CALN1: variants seen among roughly 807,000 people sequenced by gnomAD.
The protein encoded by CALN1 is calneuron 1.
Under a neutral mutation model 30.6 loss-of-function variants are expected in CALN1, and 17 were observed. The ratio of observed to expected loss-of-function variants is 0.56; its 90% confidence interval spans 0.38 to 0.83. The LOEUF is 0.83. Among genes scored for constraint, CALN1 ranks in the 40% least tolerant of loss-of-function variants. The probability of loss-of-function intolerance (pLI) is 0.00; values close to 1 mark genes in which losing one functional copy is unlikely to be tolerated. For missense variants in CALN1, 291 were observed against 354.9 expected (o/e 0.82, Z 1.45); for synonymous variants, 156 against 131.4 (o/e 1.19, Z -1.28).
intron 5 of CALN1, among the ~76,000 whole-genome samples, chr7:71,911,410 T>C (rs1471813315): frequency 6.6e-6 from 1 of 152,180 alleles, no homozygotes; most frequent in Non-Finnish European, 1.5e-5. Flanking sequence ...CGGTACTCAT[T>C]GGATGCCTAT....
chr7:71,865,003 C>A (rs2867519), intron 5 of CALN1, among the ~76,000 whole-genome samples: 62,634 of 150,392 alleles, frequency 0.42, 14,979 homozygotes, highest in East Asian at 0.67. Flanking sequence ...ACCCTGTCTC[C>A]AAAAAAGGAA....
chr7:72,033,799 G>T (rs147810436), intron 4 of CALN1, among the ~76,000 whole-genome samples: 1 of 152,288 alleles, frequency 6.6e-6, no homozygotes, highest in African/African-American at 2.4e-5. Flanking sequence ...GTATGAAAGC[G>T]CCAGAACTTT....
chr7:72,426,086 T>C (rs1181379740), intron 1 of CALN1, among the ~76,000 whole-genome samples: 3 of 152,228 alleles, frequency 2.0e-5, no homozygotes, highest in South Asian at 4.1e-4. Context: ...AGGAGGGATT[T>C]CTGCCATTGT....
At chr7:72,446,817 C>A (rs1203909378) in intron 1 of CALN1, among the ~76,000 whole-genome samples, 1 of 152,138 alleles carries the variant, frequency 6.6e-6, no homozygotes, top group Non-Finnish European at 1.5e-5. Flanking sequence ...CCAAAACAAA[C>A]GTGCCAAGAG....
chr7:72,456,200 G>A, the CALN1 span, among the ~76,000 whole-genome samples: 4 of 146,656 alleles, frequency 2.7e-5, no homozygotes, highest in African/African-American at 5.3e-5. Flanking sequence ...AAAAAAAAGA[G>A]AGAGAGAGAG....
chr7:72,224,953 C>T (rs777475305), intron 3 of CALN1, among the ~76,000 whole-genome samples: 5 of 151,828 alleles, frequency 3.3e-5, no homozygotes, highest in African/African-American at 4.8e-5. Flanking sequence ...AAAAAATTAG[C>T]TGGGTGTGGT....
At chr7:71,945,546 C>G (rs1796362003) in intron 5 of CALN1, among the ~76,000 whole-genome samples, 1 of 152,176 alleles carries the variant, frequency 6.6e-6, no homozygotes, top group East Asian at 1.9e-4. Context: ...GCAAACATTG[C>G]CGCCTGAACT....
intron 5 of CALN1, among the ~76,000 whole-genome samples, chr7:71,821,507 C>T (rs112489430): frequency 0.18 from 27,443 of 151,942 alleles, 2,647 homozygotes; most frequent in Middle Eastern, 0.27. Context: ...ACCATTAGAT[C>T]TCATGAGACT....
intron 1 of CALN1, among the ~76,000 whole-genome samples, chr7:72,406,559 G>A (rs1254543856): frequency 6.6e-6 from 1 of 151,776 alleles, no homozygotes; most frequent in African/African-American, 2.4e-5. Context: ...TTGAGCCCCA[G>A]TCTTGAAGTT....
intron 3 of CALN1, among the ~76,000 whole-genome samples, chr7:72,263,040 C>G (rs1796372667): frequency 6.6e-6 from 1 of 152,198 alleles, no homozygotes; most frequent in Non-Finnish European, 1.5e-5. Flanking sequence ...TTGCATTGGA[C>G]CCTGTCCAGT....
At chr7:72,305,111 T>G (rs1799561008) in intron 2 of CALN1, among the ~76,000 whole-genome samples, 1 of 152,184 alleles carries the variant, frequency 6.6e-6, no homozygotes, top group Non-Finnish European at 1.5e-5. Flanking sequence ...TAAGGGCCCG[T>G]GTTAACAGCT....
intron 3 of CALN1, among the ~76,000 whole-genome samples, chr7:72,157,907 C>T (rs1787822047): frequency 6.6e-6 from 1 of 152,102 alleles, no homozygotes. Context: ...CCATGCCTGG[C>T]TAATATTTTT....
chr7:72,005,595 T>C (rs1799729389), intron 5 of CALN1, among the ~76,000 whole-genome samples: 1 of 152,116 alleles, frequency 6.6e-6, no homozygotes, highest in Non-Finnish European at 1.5e-5. Flanking sequence ...GCCTCCCAAG[T>C]GCTAGGCTTA....
intron 1 of CALN1, among the ~76,000 whole-genome samples, chr7:72,411,361 C>A (rs1807132689): frequency 6.6e-6 from 1 of 151,818 alleles, no homozygotes; most frequent in South Asian, 2.1e-4. Flanking sequence ...AGAAATCATA[C>A]AAAAGAGATT....
At chr7:72,448,818 G>A (rs1022028050), upstream of CALN1, among the ~76,000 whole-genome samples, 13 of 152,056 alleles carry the variant, frequency 8.5e-5, no homozygotes, top group Non-Finnish European at 1.8e-4. Flanking sequence ...TGTTGGCCAG[G>A]CTGGTCTCAA....
chr7:71,791,282 T>C (rs1793369540), intron 6 of CALN1, among the ~76,000 whole-genome samples: 1 of 152,204 alleles, frequency 6.6e-6, no homozygotes, highest in Non-Finnish European at 1.5e-5. Flanking sequence ...TGTGTCTTTA[T>C]GGTAAAGCAA....
At chr7:72,381,672 G>A (rs889611576) in intron 2 of CALN1, among the ~76,000 whole-genome samples, 3 of 152,176 alleles carry the variant, frequency 2.0e-5, no homozygotes, top group African/African-American at 7.2e-5. Context: ...GAAACAGGGA[G>A]AGGAACATCA....
At chr7:72,370,417 G>C (rs1804160752) in intron 2 of CALN1, among the ~76,000 whole-genome samples, 1 of 152,120 alleles carries the variant, frequency 6.6e-6, no homozygotes, top group Non-Finnish European at 1.5e-5. Flanking sequence ...GACTTTGGGA[G>C]GCTGAGGCAG....
At chr7:71,918,564 C>T (rs776464023) in intron 5 of CALN1, among the ~76,000 whole-genome samples, 2 of 152,146 alleles carry the variant, frequency 1.3e-5, no homozygotes, top group Non-Finnish European at 2.9e-5. Flanking sequence ...CCTGCAAGCA[C>T]AAGAATGAGA....
Sources: allele counts gnomAD v4.1 joint callset (sites outside exome capture counted in the v4.1 genomes callset), GRCh38; gene constraint gnomAD v4.1.1; transcripts MANE v1.5; gene names NCBI Gene and HGNC (gene_info 2026-07-23, HGNC 2026-07-21).